PRELID2: variants seen among roughly 807,000 people sequenced by gnomAD.
PRELID2 encodes the protein PRELI domain containing 2.
In PRELID2, 25 loss-of-function variants were observed where a neutral mutation model predicts 28.4. The observed-to-expected ratio is 0.88, with a 90% CI of 0.64 to 1.23. The LOEUF is 1.23. Ranked by LOEUF, PRELID2 falls within the 50% of genes most tolerant of loss-of-function variation. The probability of loss-of-function intolerance (pLI) is 0.00; values close to 1 mark genes in which losing one functional copy is unlikely to be tolerated. For missense variants in PRELID2, 201 were observed against 214.4 expected, an observed-to-expected ratio of 0.94 and a Z score of 0.39; for synonymous variants, 76 against 71.6, an observed-to-expected ratio of 1.06 and a Z score of -0.31.
the PRELID2 span, among the ~76,000 whole-genome samples, chr5:145,342,287 C>T: frequency 6.6e-6 from 1 of 152,032 alleles, no homozygotes; most frequent in Non-Finnish European, 1.5e-5. Flanking sequence ...AAAAGGATGA[C>T]ATTTACTATC....
At chr5:145,752,932 C>G (rs925611122), downstream of PRELID2, among the ~76,000 whole-genome samples, 23 of 152,286 alleles carry the variant, frequency 1.5e-4, no homozygotes, top group African/African-American at 5.3e-4. Context: ...AAAATAATTT[C>G]CCTACAAACC....
In PRELID2 at chr5:145,632,784, G is replaced by A. The variant is rs114134300; in HGVS notation, n.70+132147C>T. 2.9e-3 allele frequency among the ~76,000 whole-genome samples: 441 copies of A among 152,206 alleles called. 2 individuals carry two copies. Among genetic ancestry groups the A allele is most frequent in the African/African-American group, 9.9e-3 (413 of 41,520 alleles). ...CTCCATGATTATGTTACATTATATG[G>A]CAGAAGGGATTTTTCAGATAAAATT... On this transcript the variant is annotated intron_variant and non_coding_transcript_variant, in intron 1 of 2. Transcript: ENST00000510259.
intron 1 of PRELID2, among the ~76,000 whole-genome samples, chr5:145,490,023 A>G (rs1752254871): frequency 6.6e-6 from 1 of 152,210 alleles, no homozygotes; most frequent in South Asian, 2.1e-4. Context: ...TTTGCAGATG[A>G]TACATCTGTG....
At chr5:145,660,199 C>T (rs780187154) in intron 1 of PRELID2, among the ~76,000 whole-genome samples, 10 of 152,130 alleles carry the variant, frequency 6.6e-5, no homozygotes, top group African/African-American at 1.2e-4. Context: ...GAGGACAGCA[C>T]AGTGGTTAAG....
At chr5:145,361,013 G>T in the PRELID2 span, among the ~76,000 whole-genome samples, 3 of 152,282 alleles carry the variant, frequency 2.0e-5, no homozygotes, top group East Asian at 1.9e-4. Flanking sequence ...CTACAAGGTT[G>T]TTAAAAGGAT....
At chr5:145,605,707 C>T (rs1251858780) in intron 1 of PRELID2, among the ~76,000 whole-genome samples, 2 of 151,206 alleles carry the variant, frequency 1.3e-5, no homozygotes, top group African/African-American at 4.9e-5. Context: ...TAATTAGTTG[C>T]CATACTAGAA....
chr5:145,777,895 C>T (rs936940352), intron 5 of PRELID2, among the ~76,000 whole-genome samples: 1 of 152,206 alleles, frequency 6.6e-6, no homozygotes, highest in African/African-American at 2.4e-5. Flanking sequence ...TCTCAGCTGT[C>T]AGGAACTGCT....
chr5:145,570,287 A>G (rs1425092399), intron 1 of PRELID2, among the ~76,000 whole-genome samples: 3 of 152,198 alleles, frequency 2.0e-5, no homozygotes, highest in South Asian at 2.1e-4. Flanking sequence ...ACAAGCCTCC[A>G]GAACAGAGGT....
At chr5:145,667,098 A>G (rs1754609801) in intron 1 of PRELID2, among the ~76,000 whole-genome samples, 1 of 152,106 alleles carries the variant, frequency 6.6e-6, no homozygotes, top group African/African-American at 2.4e-5. Flanking sequence ...TTGAAATCAT[A>G]TTTGATTTTT....
the PRELID2 span, among the ~76,000 whole-genome samples, chr5:145,376,438 C>T: frequency 6.6e-6 from 1 of 152,070 alleles, no homozygotes; most frequent in Non-Finnish European, 1.5e-5. Context: ...AGTCCCTTCT[C>T]CTCAATTTTT....
the PRELID2 span, among the ~76,000 whole-genome samples, chr5:145,335,646 G>A: frequency 6.6e-6 from 1 of 152,262 alleles, no homozygotes; most frequent in South Asian, 2.1e-4. Context: ...AATACCTTGA[G>A]ACAAACATAA....
At chr5:145,341,478 T>G in the PRELID2 span, among the ~76,000 whole-genome samples, 1 of 152,060 alleles carries the variant, frequency 6.6e-6, no homozygotes, top group Non-Finnish European at 1.5e-5. Flanking sequence ...AGGTGGAGAT[T>G]GCAGTGAGCC....
intron 1 of PRELID2, among the ~76,000 whole-genome samples, chr5:145,475,385 A>G (rs1406144324): frequency 6.6e-6 from 1 of 152,180 alleles, no homozygotes; most frequent in Non-Finnish European, 1.5e-5. Context: ...ACTTCCACTT[A>G]GCTTATGAAA....
At chr5:145,414,510 G>A in the PRELID2 span, among the ~76,000 whole-genome samples, 363 of 152,264 alleles carry the variant, frequency 2.4e-3, 3 homozygotes, top group Non-Finnish European at 3.8e-3. Flanking sequence ...AGTCTGTGAA[G>A]ACAGAACACT....
intron 1 of PRELID2, among the ~76,000 whole-genome samples, chr5:145,571,320 C>A (rs1286735036): frequency 1.3e-5 from 2 of 152,114 alleles, no homozygotes; most frequent in African/African-American, 4.8e-5. Flanking sequence ...TGAGTTCAGG[C>A]TAGGACAGGA....
At chr5:145,420,173 C>T in the PRELID2 span, among the ~76,000 whole-genome samples, 2 of 152,044 alleles carry the variant, frequency 1.3e-5, no homozygotes, top group Admixed American at 6.6e-5. Context: ...GTGATGCCTC[C>T]AGCTTTGTTC....
intron 1 of PRELID2, among the ~76,000 whole-genome samples, chr5:145,595,173 C>CACAT (rs752415508): frequency 0.021 from 3,197 of 150,656 alleles, 128 homozygotes; most frequent in African/African-American, 0.074. Context: ...CACACACACA[C>CACAT]ACACACACAC....
the PRELID2 span, among the ~76,000 whole-genome samples, chr5:145,351,064 C>A: frequency 6.6e-6 from 1 of 152,108 alleles, no homozygotes; most frequent in Non-Finnish European, 1.5e-5. Flanking sequence ...CAATATACCA[C>A]AACTTACAAA....
At chr5:145,229,513 C>G in the PRELID2 span, 1 of 1,353,068 alleles carries the variant, frequency 7.4e-7, no homozygotes, top group African/African-American at 1.4e-5. Context: ...AAGGAGTCCC[C>G]GTGAGGGTGA....
Sources: allele counts gnomAD v4.1 joint callset (sites outside exome capture counted in the v4.1 genomes callset), GRCh38; gene constraint gnomAD v4.1.1; transcripts MANE v1.5; gene names NCBI Gene and HGNC (gene_info 2026-07-23, HGNC 2026-07-21).